Variants in LINGO2 observed in about 807,000 individuals in gnomAD.
LINGO2 encodes the protein leucine-rich repeat and immunoglobulin-like domain-containing nogo receptor-interacting protein 2.
LINGO2 carries 14 observed loss-of-function variants against 30.6 expected under a neutral mutation model. The ratio of observed to expected loss-of-function variants is 0.46; its 90% CI spans 0.30 to 0.72. LINGO2 has a LOEUF of 0.72. LINGO2 is among the 30% of genes least tolerant of loss of function. The pLI is 0.07. For synonymous variants in LINGO2, 317 were observed against 288.5 expected, an observed-to-expected ratio of 1.10 and a Z score of -1.00; for missense variants, 729 against 751.7, an observed-to-expected ratio of 0.97 and a Z score of 0.35.
intron 4 of LINGO2, among the ~76,000 whole-genome samples, chr9:28,229,245 AAAGGT>A (rs1821275331): frequency 6.6e-6 from 1 of 151,864 alleles, no homozygotes; most frequent in African/African-American, 2.4e-5. Flanking sequence ...ATTTCATTAA[AAAGGT>A]AATTTTTAAA....
intron 5 of LINGO2, among the ~76,000 whole-genome samples, chr9:27,961,228 C>T (rs1336038124): frequency 6.6e-6 from 1 of 152,142 alleles, no homozygotes; most frequent in Non-Finnish European, 1.5e-5. Flanking sequence ...GGTGTATTTT[C>T]AATGTAATGA....
chr9:28,499,343 A>G (rs1587761674), intron 1 of LINGO2, among the ~76,000 whole-genome samples: 1 of 152,170 alleles, frequency 6.6e-6, no homozygotes, highest in Non-Finnish European at 1.5e-5. Flanking sequence ...TTACTATTCA[A>G]TATGTATATA....
chr9:28,454,757 T>C (rs907083622), intron 2 of LINGO2, among the ~76,000 whole-genome samples: 2 of 152,022 alleles, frequency 1.3e-5, no homozygotes, highest in Non-Finnish European at 1.5e-5. Flanking sequence ...AAATAGGTTT[T>C]TGCACTTGAC....
chr9:28,403,318 C>T (rs917870169), intron 2 of LINGO2, among the ~76,000 whole-genome samples: 4 of 152,074 alleles, frequency 2.6e-5, no homozygotes, highest in Non-Finnish European at 4.4e-5. Flanking sequence ...TATTTATTCC[C>T]GAGGCTCCCT....
chr9:28,241,571 C>T (rs567752461), intron 4 of LINGO2, among the ~76,000 whole-genome samples: 1 of 152,144 alleles, frequency 6.6e-6, no homozygotes, highest in Admixed American at 6.5e-5. Context: ...TCTGGACAGC[C>T]CAGATTAGTA....
At chr9:27,959,567 A>G (rs1483442615) in intron 5 of LINGO2, among the ~76,000 whole-genome samples, 2 of 152,162 alleles carry the variant, frequency 1.3e-5, no homozygotes, top group African/African-American at 4.8e-5. Context: ...TAGTTGGTTT[A>G]TTCTTAAATG....
chr9:28,374,309 T>C (rs985243851), intron 2 of LINGO2, among the ~76,000 whole-genome samples: 2 of 151,168 alleles, frequency 1.3e-5, no homozygotes, highest in African/African-American at 4.9e-5. Context: ...AATAAGAGGT[T>C]GAAGAGGGAA....
chr9:29,140,359 G>C, the LINGO2 span, among the ~76,000 whole-genome samples: 1 of 151,684 alleles, frequency 6.6e-6, no homozygotes. Flanking sequence ...ATATTAAAAA[G>C]AACAAAATTT....
chr9:28,412,080 C>T (rs2183824), intron 2 of LINGO2, among the ~76,000 whole-genome samples: 45,584 of 150,936 alleles, frequency 0.3, 7,129 homozygotes, highest in Non-Finnish European at 0.32. Context: ...AGTTTTTCAT[C>T]TCTCAGCCCA....
chr9:28,496,082 A>G lies in LINGO2; in HGVS notation c.-364-20057T>C, dbSNP rs1819613596. ...GCTGAGGAGTGCTTTACTTCCAACTATGTAGTCAATTTTGGAATAAGTGTG... is the reference window on the plus strand; with the variant it reads ...GCTGAGGAGTGCTTTACTTCCAACTGTGTAGTCAATTTTGGAATAAGTGTG... On this transcript the variant is annotated intron_variant, in intron 1 of 5. Transcript: ENST00000379992. 1.3e-5 allele frequency among the ~76,000 whole-genome samples: 2 copies of G among 151,298 alleles called. 1 individual carries two copies. The highest frequency in any genetic ancestry group is 4.9e-5 in the African/African-American group (2 of 40,876).
chr9:29,157,958 C>A, the LINGO2 span, among the ~76,000 whole-genome samples: 2 of 152,004 alleles, frequency 1.3e-5, no homozygotes, highest in Non-Finnish European at 2.9e-5. Flanking sequence ...AGACTATATA[C>A]CAGGCTATAT....
In LINGO2 at chr9:28,479,923, A is replaced by AGG. The variant is rs1234508667; in HGVS notation, c.-364-3899_-364-3898insCC. Among the ~76,000 whole-genome samples the AGG allele has an allele frequency of 1.8e-4, 17 of 92,804 alleles. 1 individual carries two copies. Among genetic ancestry groups the AGG allele is most frequent in the South Asian group, 8.3e-4 (2 of 2,422 alleles). 60.9% of individuals were successfully genotyped at this position (92,804 alleles called of 152,430 possible). A position where few individuals can be genotyped will look rare whatever the true frequency, so the allele number is the denominator to read the frequency against. On this transcript the variant is annotated intron_variant, in intron 1 of 5. Coordinates refer to ENST00000379992, the Ensembl canonical transcript of LINGO2. Reference sequence around the variant, plus strand: ...TATATATACGTAGGTATATATATATATATATATATATATATATATATATAT... The same window carrying AGG: ...TATATATACGTAGGTATATATATATAGGTATATATATATATATATATATATAT...
rs1825590306 is a variant in LINGO2, at chr9:28,075,234, C to T, written c.-86-62829G>A. 2.6e-5 allele frequency among the ~76,000 whole-genome samples: 4 copies of T among 152,022 alleles called. No individual in the cohort carries two copies. In the South Asian group the frequency reaches 8.3e-4, roughly 32 times the overall value. On this transcript the variant is annotated intron_variant, in intron 4 of 5. Transcript: ENST00000379992. ...TATCAAAGCATAGGTATTATTCTTA[C>T]ATCTTATTTCTTTTCTACCCAACAT...
intron 1 of LINGO2, among the ~76,000 whole-genome samples, chr9:28,585,870 T>G (rs551501670): frequency 2.6e-5 from 4 of 152,032 alleles, no homozygotes; most frequent in Admixed American, 6.6e-5. Context: ...TGATTTAATA[T>G]GTTTGGGGAA....
chr9:29,075,220 G>A, the LINGO2 span, among the ~76,000 whole-genome samples: 1 of 152,084 alleles, frequency 6.6e-6, no homozygotes, highest in Non-Finnish European at 1.5e-5. Flanking sequence ...AAACTCAAAA[G>A]TACGTCCAAA....
chr9:28,172,023 A>AAC (rs1244494374), intron 4 of LINGO2, among the ~76,000 whole-genome samples: 5 of 90,942 alleles, frequency 5.5e-5, no homozygotes, highest in East Asian at 2.4e-4. Flanking sequence ...TCTCAAAAAA[A>AAC]AAAAAAAAAA....
rs576249857 is a variant in LINGO2 at position 28,434,568 on chromosome 9, A to G, written c.-279+41372T>C. On this transcript the variant is annotated intron_variant, in intron 2 of 5. Coordinates refer to ENST00000379992, the Ensembl canonical transcript of LINGO2. ...AAAAATACTGGAGATGGGACTTGAG[A>G]AATGACATTTTTATCCTTCCTGTAA... Among the ~76,000 whole-genome samples the G allele has an allele frequency of 9.9e-5, 15 of 151,594 alleles. 3 individuals are homozygous for G. Among genetic ancestry groups the G allele is most frequent in the African/African-American group, 3.6e-4 (15 of 41,434 alleles).
intron 5 of LINGO2, among the ~76,000 whole-genome samples, chr9:27,988,236 A>G (rs1821221089): frequency 6.6e-6 from 1 of 152,032 alleles, no homozygotes; most frequent in Non-Finnish European, 1.5e-5. Context: ...CATTTTCTCA[A>G]TCCAGTCTAT....
chr9:28,695,428 A>G, the LINGO2 span, among the ~76,000 whole-genome samples: 2 of 151,954 alleles, frequency 1.3e-5, no homozygotes, highest in Non-Finnish European at 2.9e-5. Context: ...TTATAGGACA[A>G]TTTGTCAATA....
Sources: allele counts gnomAD v4.1 joint callset (sites outside exome capture counted in the v4.1 genomes callset), GRCh38; gene constraint gnomAD v4.1.1; transcripts MANE v1.5; gene names NCBI Gene and HGNC (gene_info 2026-07-23, HGNC 2026-07-21).